THSD4: variants seen among roughly 807,000 people sequenced by gnomAD.
THSD4 encodes thrombospondin type 1 domain containing 4.
A neutral mutation model predicts 119.0 loss-of-function variants in THSD4; 69 were observed. The observed-to-expected ratio is 0.58, with a 90% CI of 0.48 to 0.71. The LOEUF is 0.71. THSD4 is among the 30% of genes least tolerant of loss of function. The pLI, the probability that THSD4 is intolerant of heterozygous loss-of-function variation, is 0.00. For missense variants in THSD4, 1,393 were observed against 1,391.1 expected (o/e 1.00, Z -0.02); for synonymous variants, 524 against 540.4 (o/e 0.97, Z 0.42).
chr15:71,491,202 C>T (rs983845964), intron 7 of THSD4, among the ~76,000 whole-genome samples: 4 of 152,198 alleles, frequency 2.6e-5, no homozygotes, highest in African/African-American at 4.8e-5. Flanking sequence ...CCCTTGACAA[C>T]ACTGGGTATG....
Position 71,419,215 on chromosome 15 carries a change from T to TTTTTC in THSD4, c.1152+7396_1152+7397insCTTTT, listed in dbSNP as rs1181033718. The stretch of plus-strand genomic sequence containing the variant: ...TTCTTTTCTTTTCTTTTTCTTTTTC[T>TTTTTC]TTTTTTTTAGACAGTGTTGCCCTGT... On this transcript the variant is annotated intron_variant, in intron 7 of 17. Coordinates refer to ENST00000261862, the MANE Select transcript of THSD4 (RefSeq NM_024817.3). 4.7e-3 allele frequency among the ~76,000 whole-genome samples: 11 copies of TTTTTC among 2,322 alleles called. 4 individuals carry two copies. Among genetic ancestry groups the TTTTTC allele is most frequent in the South Asian group, 0.5 (1 of 2 alleles). The allele number at this position is 2,322 out of a possible 152,430, so 1.5% of individuals were successfully genotyped here. A position where few individuals can be genotyped will look rare whatever the true frequency, so the allele number is the denominator to read the frequency against.
chr15:71,270,271 G>C (rs2044513259), intron 6 of THSD4, among the ~76,000 whole-genome samples: 1 of 152,150 alleles, frequency 6.6e-6, no homozygotes. Flanking sequence ...GAATGGAACA[G>C]AACAGAGGCC....
At chr15:71,191,342 G>T (rs149414689) in intron 3 of THSD4, among the ~76,000 whole-genome samples, 14 of 151,992 alleles carry the variant, frequency 9.2e-5, no homozygotes, top group Non-Finnish European at 1.0e-4. Flanking sequence ...TTTTCTTCTG[G>T]GCACCAGTGT....
At chr15:71,735,824 CTCTTGCTCTCTG>C (rs2053082061) in intron 10 of THSD4, among the ~76,000 whole-genome samples, 1 of 151,338 alleles carries the variant, frequency 6.6e-6, no homozygotes. Flanking sequence ...CTCTCTGTCT[CTCTTGCTCTCTG>C]TCTCTTTCGC....
At chr15:71,348,087 C>T (rs768017812) in intron 6 of THSD4, 1 of 152,094 alleles carries the variant, frequency 6.6e-6, no homozygotes, top group Non-Finnish European at 1.5e-5. Flanking sequence ...CATGTAGTTG[C>T]GATAATATAA....
chr15:71,680,058 A>G (rs2051742673), intron 8 of THSD4, among the ~76,000 whole-genome samples: 3 of 152,214 alleles, frequency 2.0e-5, no homozygotes, highest in South Asian at 2.1e-4. Context: ...TGCACTTGGA[A>G]ACTTGAGATG....
At chr15:71,170,320 A>G (rs1216938929) in intron 3 of THSD4, among the ~76,000 whole-genome samples, 1 of 152,152 alleles carries the variant, frequency 6.6e-6, no homozygotes, top group East Asian at 1.9e-4. Context: ...TGAGGAAACA[A>G]TCTGAGGTTG....
chr15:71,484,436 G>C (rs922121450), intron 7 of THSD4, among the ~76,000 whole-genome samples: 11 of 152,172 alleles, frequency 7.2e-5, no homozygotes, highest in African/African-American at 2.7e-4. Flanking sequence ...AAGAAACCAA[G>C]GTTCAGAAAG....
At chr15:71,485,280 A>T (rs1376522661) in intron 7 of THSD4, among the ~76,000 whole-genome samples, 1 of 152,184 alleles carries the variant, frequency 6.6e-6, no homozygotes, top group African/African-American at 2.4e-5. Context: ...AATGAGTTCT[A>T]GGCCAAGCTC....
At chr15:71,438,064 C>A (rs13380076) in intron 7 of THSD4, among the ~76,000 whole-genome samples, 51,703 of 152,036 alleles carry the variant, frequency 0.34, 8,973 homozygotes, top group Middle Eastern at 0.47. Context: ...CTCCAGGTCT[C>A]CTTCACTTAC....
At chr15:71,289,204 ACT>A (rs1354894414) in intron 6 of THSD4, among the ~76,000 whole-genome samples, 1 of 151,596 alleles carries the variant, frequency 6.6e-6, no homozygotes, top group Admixed American at 6.6e-5. Flanking sequence ...CTCCCTGTTG[ACT>A]CTGAGGGGCA....
At position 71,584,844 on chromosome 15, in the gene THSD4, C is replaced by T. The variant is rs148511815; in HGVS notation, c.1153-75686C>T. The stretch of plus-strand genomic sequence containing the variant: ...AGGTAGTAGGCTTTGATTCCTTTCT[C>T]TTCGTACTTTGTGTGTCTACTAGTT... On this transcript the variant is annotated intron_variant, in intron 7 of 17. Coordinates refer to ENST00000261862, the MANE Select transcript of THSD4 (RefSeq NM_024817.3). 9.2e-5 allele frequency among the ~76,000 whole-genome samples: 14 copies of T among 152,174 alleles called. No homozygotes were observed. In the East Asian group the frequency reaches 2.7e-3, roughly 29 times the overall value.
chr15:71,522,972 AAC>A (rs1331520153), intron 7 of THSD4, among the ~76,000 whole-genome samples: 3 of 152,124 alleles, frequency 2.0e-5, no homozygotes, highest in Non-Finnish European at 4.4e-5. Flanking sequence ...GCACAACATC[AAC>A]ACACATGTGC....
intron 7 of THSD4, among the ~76,000 whole-genome samples, chr15:71,617,022 T>C (rs2050329597): frequency 6.6e-6 from 1 of 152,102 alleles, no homozygotes; most frequent in East Asian, 1.9e-4. Context: ...TACCAGGGAG[T>C]GGCCAATCTA....
At chr15:71,481,564 T>A (rs528273546) in intron 7 of THSD4, among the ~76,000 whole-genome samples, 6 of 152,320 alleles carry the variant, frequency 3.9e-5, no homozygotes, top group Admixed American at 3.9e-4. Context: ...GAGAAGACCT[T>A]CTTTCTCAAC....
At chr15:71,535,887 A>C (rs964246287) in intron 7 of THSD4, among the ~76,000 whole-genome samples, 2 of 152,146 alleles carry the variant, frequency 1.3e-5, no homozygotes, top group Non-Finnish European at 2.9e-5. Context: ...TTGCCTTTTC[A>C]CCAACTTGAT....
At chr15:71,313,460 G>T (rs1515678) in intron 6 of THSD4, among the ~76,000 whole-genome samples, 144,154 of 152,162 alleles carry the variant, frequency 0.95, 68,788 homozygotes, top group East Asian at 1. Context: ...TTTTTATTTT[G>T]GGGGAATAAC....
intron 6 of THSD4, among the ~76,000 whole-genome samples, chr15:71,395,540 G>A (rs1289696331): frequency 1.3e-5 from 2 of 152,220 alleles, no homozygotes; most frequent in South Asian, 4.1e-4. Context: ...TCAGGAGTTC[G>A]AGACCAGCCT....
intron 7 of THSD4, among the ~76,000 whole-genome samples, chr15:71,448,368 C>G (rs2047218052): frequency 6.6e-6 from 1 of 152,168 alleles, no homozygotes; most frequent in Non-Finnish European, 1.5e-5. Flanking sequence ...GTCCTTATCT[C>G]AAGTCTAACT....
Sources: gnomAD v4.1 joint callset for allele counts (sites outside exome capture counted in the v4.1 genomes callset) on GRCh38, gnomAD v4.1.1 for gene constraint, MANE v1.5 for transcripts, NCBI Gene and HGNC (gene_info 2026-07-23, HGNC 2026-07-21) for gene names.